The following TRIM66 variants were observed in gnomAD, a reference collection of about 807,000 sequenced individuals.
TRIM66 encodes tripartite motif-containing protein 66.
Under a neutral mutation model 148.2 loss-of-function variants are expected in TRIM66, and 99 were observed. The ratio of observed to expected loss-of-function variants is 0.67; its 90% CI spans 0.57 to 0.79. The LOEUF (loss-of-function observed/expected upper bound fraction) is 0.79. Among genes scored for constraint, TRIM66 ranks in the 30% least tolerant of loss-of-function variants. TRIM66 has a pLI of 0.00. For synonymous variants in TRIM66, 616 were observed against 635.9 expected, an observed-to-expected ratio of 0.97 and a Z score of 0.47; for missense variants, 1,666 against 1,697.9, an observed-to-expected ratio of 0.98 and a Z score of 0.33.
chr11:8,615,398 C>A lies in TRIM66; in HGVS notation c.*2546G>T, dbSNP rs534472901. 6.6e-6 allele frequency: 1 copy of A among 152,256 alleles called. No homozygotes were observed. The highest frequency in any genetic ancestry group is 2.4e-5 in the African/African-American group (1 of 41,532). The allele number at this position is 152,256 out of a possible 1,614,324, so 9.4% of individuals were successfully genotyped here. A position where few individuals can be genotyped will look rare whatever the true frequency, so the allele number is the denominator to read the frequency against. ...TCTAGAACTCACCGTATTTCCACTG[C>A]ATGATGTTGTCAAGGACAAAAGGAC... On this transcript the variant is annotated 3_prime_UTR_variant, in exon 25 of 25. Coordinates refer to ENST00000646038, the MANE Select transcript of TRIM66 (RefSeq NM_001388022.1).
chr11:8,623,948 GT>G (rs1478941916), intron 17 of TRIM66, among the ~76,000 whole-genome samples: 11 of 152,342 alleles, frequency 7.2e-5, no homozygotes, highest in African/African-American at 2.6e-4. Context: ...GTTGAGGGAG[GT>G]TAGGTATCTT....
intron 6 of TRIM66, 45 bp downstream of exon 6, chr11:8,671,741 C>A: frequency 3.5e-6 from 3 of 847,716 alleles, no homozygotes; most frequent in South Asian, 1.4e-5. Context: ...CAGGAAGAGA[C>A]CTGTTATGTA....
chr11:8,670,699 G>C (rs1284973059), intron 6 of TRIM66, among the ~76,000 whole-genome samples: 2 of 152,118 alleles, frequency 1.3e-5, no homozygotes. Context: ...CACTTATAAA[G>C]ACAGTAAGAT....
upstream of TRIM66, chr11:8,682,859 AC>A (rs536599641): frequency 1.6e-5 from 25 of 1,596,728 alleles, no homozygotes; most frequent in Non-Finnish European, 1.3e-5. Context: ...GCCGGCGGAG[AC>A]CCCTAAGCTG....
In TRIM66 at chr11:8,620,128, C is replaced by T. The variant is rs1199668626; in HGVS notation, c.3673-4G>A. On this transcript the variant is annotated splice_region_variant and splice_polypyrimidine_tract_variant and intron_variant, in intron 21 of 24. Transcript: ENST00000646038. The stretch of plus-strand genomic sequence containing the variant: ...ACAATACCAGCTTCTCACACTTCTG[C>T]AAAATCAGAATTGGCAACAGAGTCA... 1.9e-6 allele frequency: 3 copies of T among 1,551,578 alleles called. No homozygotes were observed. Among genetic ancestry groups the T allele is most frequent in the Non-Finnish European group, 2.6e-6 (3 of 1,146,894 alleles).
intron 3 of TRIM66, among the ~76,000 whole-genome samples, chr11:8,677,570 G>A (rs2039234776): frequency 6.6e-6 from 1 of 151,644 alleles, no homozygotes; most frequent in Non-Finnish European, 1.5e-5. Context: ...CTTGAGGCTA[G>A]CAGTTTGAGA....
intron 15 of TRIM66, among the ~76,000 whole-genome samples, chr11:8,638,376 G>A (rs1335523523): frequency 1.3e-5 from 2 of 152,174 alleles, no homozygotes; most frequent in African/African-American, 2.4e-5. Context: ...CAAGCACAGA[G>A]TACATGTTCA....
rs531703858 is a variant in TRIM66, at chr11:8,676,537, C to T, written c.-189-1654G>A. ...AATTCAGGGAGGTAGCATGGCTTTC[C>T]ACCACCAGCAAGTACTACACAGGGT... On this transcript the variant is annotated intron_variant, in intron 3 of 24. Coordinates refer to ENST00000646038, the MANE Select transcript of TRIM66 (RefSeq NM_001388022.1). Among the ~76,000 whole-genome samples, 4 of 152,262 alleles carry T rather than the reference C, an allele frequency of 2.6e-5. No individual in the cohort carries two copies. In the East Asian group the frequency reaches 7.7e-4, roughly 29 times the overall value.
chr11:8,618,197 A>C (rs548354823), intron 24 of TRIM66, among the ~76,000 whole-genome samples, 194 bp from the exon 25 acceptor site: 1 of 152,320 alleles, frequency 6.6e-6, no homozygotes, highest in Admixed American at 6.5e-5. Context: ...GGCTGGCCAG[A>C]CCCTGGCACA....
chr11:8,628,202 G>C (rs979693612), intron 15 of TRIM66, among the ~76,000 whole-genome samples: 7 of 151,952 alleles, frequency 4.6e-5, no homozygotes, highest in Non-Finnish European at 7.4e-5. Context: ...AAGACCTCCA[G>C]TACAATATTG....
intron 6 of TRIM66, among the ~76,000 whole-genome samples, chr11:8,670,013 A>G (rs28523683): frequency 1.3e-4 from 14 of 105,578 alleles, no homozygotes; most frequent in South Asian, 7.2e-4. Context: ...TTTTGTTTTT[A>G]TTTATTTTTT....
chr11:8,676,365 G>A (rs1327671167), intron 3 of TRIM66, among the ~76,000 whole-genome samples: 1 of 152,064 alleles, frequency 6.6e-6, no homozygotes, highest in African/African-American at 2.4e-5. Context: ...TCAACCCAGT[G>A]AAAAGATCAA....
intron 13 of TRIM66, among the ~76,000 whole-genome samples, 195 bp from the exon 14 acceptor site, chr11:8,641,347 G>A (rs1266057874): frequency 1.3e-5 from 2 of 152,058 alleles, no homozygotes; most frequent in Admixed American, 6.5e-5. Flanking sequence ...CTGCTTTGGG[G>A]GCCTAGGATA....
chr11:8,653,765 G>C (rs2037566905), intron 6 of TRIM66, among the ~76,000 whole-genome samples: 1 of 150,686 alleles, frequency 6.6e-6, no homozygotes, highest in African/African-American at 2.5e-5. Context: ...AAAAATAATA[G>C]TTTAATACTC....
At chr11:8,665,523 A>G (rs1487412457) in intron 6 of TRIM66, among the ~76,000 whole-genome samples, 1 of 152,244 alleles carries the variant, frequency 6.6e-6, no homozygotes, top group East Asian at 1.9e-4. Context: ...CTTTGAAGTC[A>G]AGGGCTCTGT....
rs1304800757 is a variant in TRIM66 at position 8,638,639 on chromosome 11, A to G, written c.2310+15T>C. On this transcript the variant is annotated intron_variant, in intron 15 of 24. Coordinates refer to ENST00000646038, the MANE Select transcript of TRIM66 (RefSeq NM_001388022.1). ...TGGGTCCCATGTAGTTAGGGAAAACAGGCTCCTTCAGTACCTTTCTCACCA... is the reference window on the plus strand; with the variant it reads ...TGGGTCCCATGTAGTTAGGGAAAACGGGCTCCTTCAGTACCTTTCTCACCA... The G allele has an allele frequency of 6.5e-7, 1 of 1,544,418 alleles. No homozygotes were observed. Among genetic ancestry groups the G allele is most frequent in the South Asian group, 1.2e-5 (1 of 82,758 alleles).
At chr11:8,627,004 C>T (rs1360254784) in intron 15 of TRIM66, among the ~76,000 whole-genome samples, 9 of 152,222 alleles carry the variant, frequency 5.9e-5, no homozygotes, top group African/African-American at 2.2e-4. Context: ...GCTCAACTGA[C>T]ATTTTTTGCC....
In TRIM66 at chr11:8,643,918, C is replaced by T. The variant is rs111737778; in HGVS notation, c.1105-792G>A. Among the ~76,000 whole-genome samples, 888 of 152,252 alleles carry T rather than the reference C, an allele frequency of 5.8e-3. 5 individuals carry two copies. The highest frequency in any genetic ancestry group is 0.021 in the African/African-American group (865 of 41,528). On this transcript the variant is annotated intron_variant, in intron 12 of 24. Coordinates refer to ENST00000646038, the MANE Select transcript of TRIM66 (RefSeq NM_001388022.1). The stretch of plus-strand genomic sequence containing the variant: ...GGGCTTTGGCAAGTGTCCAACTTAC[C>T]CTGCTATCCTCTAGTTAACTAATGT...
intron 15 of TRIM66, among the ~76,000 whole-genome samples, chr11:8,636,920 C>G (rs1186455981): frequency 6.6e-6 from 1 of 152,150 alleles, no homozygotes; most frequent in Non-Finnish European, 1.5e-5. Flanking sequence ...ATCTCGTGAT[C>G]CTATCAAGCC....
Sources: gnomAD v4.1 joint callset for allele counts (sites outside exome capture counted in the v4.1 genomes callset) on GRCh38, gnomAD v4.1.1 for gene constraint, MANE v1.5 for transcripts, NCBI Gene and HGNC (gene_info 2026-07-23, HGNC 2026-07-21) for gene names.